FMN1: variants seen among roughly 807,000 people sequenced by gnomAD.
The protein encoded by FMN1 is formin 1, also known as formin-1.
In FMN1, 110 loss-of-function variants were observed where a neutral mutation model predicts 132.4. The observed-to-expected ratio is 0.83, with a 90% CI of 0.71 to 0.97. The LOEUF is 0.97. FMN1 is among the 50% of genes least tolerant of loss of function. The probability of loss-of-function intolerance (pLI) is 0.00; values close to 1 mark genes in which losing one functional copy is unlikely to be tolerated. For synonymous variants in FMN1, 722 were observed against 651.7 expected (o/e 1.11, Z -1.64); for missense variants, 1,792 against 1,705.3 (o/e 1.05, Z -0.90).
chr15:33,168,924 C>G (rs1965212126), intron 3 of FMN1, among the ~76,000 whole-genome samples: 1 of 152,232 alleles, frequency 6.6e-6, no homozygotes. Context: ...GTGGTGCCGC[C>G]TTGGGATGAA....
chr15:33,150,447 A>G, intron 4 of FMN1: 3 of 985,432 alleles, frequency 3.0e-6, no homozygotes, highest in African/African-American at 1.7e-5. Context: ...TCTCTATTTT[A>G]TCACCACTAT....
chr15:33,159,155 G>A (rs57796480), intron 3 of FMN1, among the ~76,000 whole-genome samples: 17,041 of 152,140 alleles, frequency 0.11, 2,217 homozygotes, highest in African/African-American at 0.31. Flanking sequence ...GCACTCCAGC[G>A]TGGGTGAAAG....
At chr15:32,897,024 C>A (rs2060176148) in intron 15 of FMN1, among the ~76,000 whole-genome samples, 1 of 152,192 alleles carries the variant, frequency 6.6e-6, no homozygotes, top group Non-Finnish European at 1.5e-5. Flanking sequence ...TTTATATTCC[C>A]ACTGATGGTG....
At chr15:32,804,152 A>G in intron 18 of FMN1, 129 bp downstream of exon 18, 2 of 682,180 alleles carry the variant, frequency 2.9e-6, no homozygotes, top group Admixed American at 5.8e-5. Context: ...AAAGGGTATA[A>G]AGTTTCAGTT....
intron 16 of FMN1, among the ~76,000 whole-genome samples, chr15:32,870,681 A>G (rs2059494288): frequency 6.6e-6 from 1 of 152,214 alleles, no homozygotes; most frequent in Admixed American, 6.5e-5. Flanking sequence ...TCTGCGAGAC[A>G]TTAGCATGAA....
At chr15:33,027,564 T>A (rs577462400) in intron 6 of FMN1, among the ~76,000 whole-genome samples, 1 of 150,182 alleles carries the variant, frequency 6.7e-6, no homozygotes, top group South Asian at 2.1e-4. Context: ...TTTAGACATT[T>A]CAGTTTAACG....
chr15:32,883,508 TCAAAAAAA>T (rs1461553542), intron 16 of FMN1, among the ~76,000 whole-genome samples: 1 of 16,264 alleles, frequency 6.1e-5, no homozygotes, highest in African/African-American at 2.1e-4. Context: ...AGAACCTATC[TCAAAAAAA>T]AAAAAAAAAA....
rs192759610 is a variant in FMN1, at chr15:33,007,958, G to C, written c.2223+56C>G. ...AAGAGGAATATTTACTTCAGCATAG[G>C]AGAAAACCAAGTATCAGTTCTATAG... On this transcript the variant is annotated intron_variant, in intron 7 of 20. Transcript: ENST00000616417. 1.5e-5 allele frequency: 21 copies of C among 1,439,270 alleles called. 1 individual carries two copies. In the Admixed American group the frequency reaches 2.0e-4, roughly 14 times the overall value. The allele number at this position is 1,439,270 out of a possible 1,614,324, so 89.2% of individuals were successfully genotyped here. A position where few individuals can be genotyped will look rare whatever the true frequency, so the allele number is the denominator to read the frequency against.
rs1479636995 is a variant in FMN1, at chr15:33,153,210, C to G, written c.1705G>C (p.Asp569His). 6.5e-7 allele frequency: 1 copy of G among 1,536,062 alleles called. No individual in the cohort carries two copies. Among genetic ancestry groups the G allele is most frequent in the South Asian group, 1.2e-5 (1 of 84,048 alleles). ...GCAGAGGATGGTGGCTCCAAGGTGT[C>G]AGCAGAGACGCACCCAGAGAAGACA... ...SRVFSGCVSADTLEPPSSAKV... is the reference protein window; with the variant it reads ...SRVFSGCVSAHTLEPPSSAKV... The change falls in exon 4 of 21, where the codon GAC becomes CAC. Residue 569 changes from aspartate to histidine, a missense_variant. Around this residue, in one of 3 missense-constraint regions of FMN1, gnomAD observed 1,150 missense variants for 1,043.1 expected, o/e 1.10. Transcript: ENST00000616417.
rs189937707 is a variant in FMN1 at position 32,876,032 on chromosome 15, C to T, written c.3835+12140G>A. Among the ~76,000 whole-genome samples, 26 of 152,136 alleles carry T rather than the reference C, an allele frequency of 1.7e-4. No homozygotes were observed. In the East Asian group the frequency reaches 5.0e-3, roughly 29 times the overall value. ...AGCACCATAGGCAGGTAAAGTATCA[C>T]CATTATAATTACAAGAGTACCTTTA... On this transcript the variant is annotated intron_variant, in intron 16 of 20. Transcript: ENST00000616417.
intron 7 of FMN1, among the ~76,000 whole-genome samples, chr15:32,991,952 C>A (rs866160620): frequency 1.3e-5 from 2 of 152,120 alleles, no homozygotes; most frequent in Admixed American, 1.3e-4. Flanking sequence ...AAAGTTTAAA[C>A]GACTAAAATG....
rs1325149786 is a variant in FMN1, at chr15:32,772,483, T to A, written c.*1827A>T. ...TTTAATTGATCCGTTCTTTTGGTTG[T>A]CTTCAGAGTTAAGTGAAAATGAAGA... On this transcript the variant is annotated 3_prime_UTR_variant, in exon 21 of 21. Coordinates refer to ENST00000616417, the MANE Select transcript of FMN1 (RefSeq NM_001277313.2). The A allele has an allele frequency of 6.6e-6, 1 of 152,262 alleles. No individual in the cohort carries two copies. The highest frequency in any genetic ancestry group is 6.5e-5 in the Admixed American group (1 of 15,286). The allele number at this position is 152,262 out of a possible 1,614,324, so 9.4% of individuals were successfully genotyped here.
intron 17 of FMN1, among the ~76,000 whole-genome samples, chr15:32,834,986 G>C (rs139211697): frequency 6.6e-6 from 1 of 152,350 alleles, no homozygotes; most frequent in African/African-American, 2.4e-5. Flanking sequence ...GTTTGGCTTT[G>C]TGGCTTTGGA....
At chr15:33,036,133 T>A (rs1277131197) in intron 6 of FMN1, among the ~76,000 whole-genome samples, 1 of 152,198 alleles carries the variant, frequency 6.6e-6, no homozygotes, top group African/African-American at 2.4e-5. Context: ...CAGAGTCAGG[T>A]ATCCTGTTAT....
intron 10 of FMN1, among the ~76,000 whole-genome samples, chr15:32,915,723 T>C (rs921124057): frequency 1.3e-5 from 2 of 152,214 alleles, no homozygotes; most frequent in African/African-American, 4.8e-5. Context: ...AAAGGTGAAG[T>C]GTCAAGTCCA....
In FMN1 at chr15:32,888,251, T is replaced by C; in HGVS notation, c.3756A>G (p.Pro1252=). 1 of 1,613,210 alleles carries C rather than the reference T, an allele frequency of 6.2e-7. No homozygotes were observed. The highest frequency in any genetic ancestry group is 8.5e-7 in the Non-Finnish European group (1 of 1,179,526). ...TEKSVFPLPE[P]QDFFLASQVK... The stretch of plus-strand genomic sequence containing the variant: ...CTTGGGAGGCCAGAAAGAAATCCTG[T>C]GGTTCCGGCAAGGGGAAAACACTCT... Residue 1252 remains proline, a synonymous_variant, in exon 16 of 21, where the codon CCA becomes CCG. Transcript: ENST00000616417.
chr15:33,080,520 A>C (rs1271680644), intron 5 of FMN1, among the ~76,000 whole-genome samples: 1 of 152,214 alleles, frequency 6.6e-6, no homozygotes, highest in Non-Finnish European at 1.5e-5. Context: ...TGTGAGGCCA[A>C]GGCGGACGGA....
At chr15:33,017,520 C>G (rs938799179) in intron 6 of FMN1, among the ~76,000 whole-genome samples, 1 of 151,886 alleles carries the variant, frequency 6.6e-6, no homozygotes, top group African/African-American at 2.4e-5. Context: ...GTGAGTCAAC[C>G]TACTATGTTG....
intron 6 of FMN1, among the ~76,000 whole-genome samples, chr15:33,052,462 C>T (rs2037020999): frequency 6.6e-6 from 1 of 152,186 alleles, no homozygotes; most frequent in Non-Finnish European, 1.5e-5. Context: ...AAAACAGTTA[C>T]TTCACCTGTC....
Sources: allele counts gnomAD v4.1 joint callset (sites outside exome capture counted in the v4.1 genomes callset), GRCh38; gene constraint gnomAD v4.1.1; regional missense constraint gnomAD v4.1.1; transcripts MANE v1.5; gene names NCBI Gene and HGNC (gene_info 2026-07-23, HGNC 2026-07-21).